Variants in NRK observed in about 807,000 individuals in gnomAD.
The protein encoded by NRK is Nik related kinase.
A neutral mutation model predicts 125.2 loss-of-function variants in NRK; 67 were observed. The observed-to-expected ratio is 0.54, with a 90% CI of 0.44 to 0.66. The LOEUF (loss-of-function observed/expected upper bound fraction) is 0.66. Ranked by LOEUF, NRK falls within the 30% of genes least tolerant of loss-of-function variation. The probability of loss-of-function intolerance (pLI) is 0.00; values close to 1 mark genes in which losing one functional copy is unlikely to be tolerated. For synonymous variants in NRK, 458 were observed against 429.0 expected (o/e 1.07, Z -0.84); for missense variants, 1,224 against 1,192.9 (o/e 1.03, Z -0.38).
chrX:105,853,856 T>C (rs186538366), intron 2 of NRK, among the ~76,000 whole-genome samples: 1 of 112,431 alleles, frequency 8.9e-6, no homozygotes, highest in East Asian at 2.8e-4. Flanking sequence ...GAAATACATG[T>C]AGAACTGGTT....
chrX:105,919,151 A>G (rs1314366781), intron 16 of NRK, among the ~76,000 whole-genome samples: 1 of 110,741 alleles, frequency 9.0e-6, no homozygotes, highest in African/African-American at 3.3e-5. Flanking sequence ...TACTTTGGCT[A>G]TGTATACCAA....
chrX:105,861,658 A>T (rs1338535016), intron 2 of NRK, among the ~76,000 whole-genome samples: 1 of 112,345 alleles, frequency 8.9e-6, no homozygotes, highest in African/African-American at 3.2e-5. Flanking sequence ...ATTCTTGTTA[A>T]AGATTAATTG....
chrX:105,866,166 A>G (rs1043200946), intron 2 of NRK, among the ~76,000 whole-genome samples: 4 of 111,659 alleles, frequency 3.6e-5, no homozygotes, highest in Non-Finnish European at 7.5e-5. Context: ...TTAAAAATCT[A>G]TTAGAATATC....
At chrX:105,948,467 C>T in intron 26 of NRK, 1 of 327,307 alleles carries the variant, frequency 3.1e-6, no homozygotes, top group Non-Finnish European at 5.2e-6. Context: ...TACAAGGGAA[C>T]CATGTGTGCT....
At chrX:105,940,341 C>T (rs1013924580) in intron 23 of NRK, among the ~76,000 whole-genome samples, 2 of 110,201 alleles carry the variant, frequency 1.8e-5, no homozygotes, top group African/African-American at 6.6e-5. Context: ...ACTTTCTTTC[C>T]CAGTCACCCC....
In NRK at chrX:105,953,134, A is replaced by T; in HGVS notation, c.4614A>T (p.Ser1538=). ...RVLESELKRR[S]IKKLRFLCTR... ...TGGAAAGTGAGCTGAAGCGCAGGTC[A>T]ATTAAGAAGCTGAGATTCCTGTGCA... The change falls in exon 28 of 29, where the codon TCA becomes TCT. Residue 1538 remains serine (S), a synonymous_variant. Coordinates refer to ENST00000243300, the MANE Select transcript of NRK (RefSeq NM_198465.4). 8.4e-7 allele frequency: 1 copy of T among 1,196,270 alleles called. No individual in the cohort carries two copies. Among genetic ancestry groups the T allele is most frequent in the Non-Finnish European group, 1.1e-6 (1 of 885,606 alleles).
intron 22 of NRK, among the ~76,000 whole-genome samples, chrX:105,938,135 A>G (rs1271593048): frequency 9.0e-6 from 1 of 111,716 alleles, no homozygotes; most frequent in East Asian, 2.8e-4. Context: ...AAGCAAGTAA[A>G]TGAGTGTTAA....
intron 11 of NRK, chrX:105,907,128 C>T (rs2040231371): frequency 9.1e-6 from 1 of 110,481 alleles, no homozygotes; most frequent in Non-Finnish European, 1.9e-5. Flanking sequence ...TACAAATAAA[C>T]ATAAACTTCT....
At chrX:105,912,836 CT>C in intron 14 of NRK, 81 bp downstream of exon 14, 1 of 428,631 alleles carries the variant, frequency 2.3e-6, no homozygotes, top group Non-Finnish European at 3.9e-6. Context: ...CTCAGTGTCC[CT>C]TTATACTCTT....
At chrX:105,944,830 A>G (rs929996200) in intron 24 of NRK, among the ~76,000 whole-genome samples, 1 of 111,731 alleles carries the variant, frequency 9.0e-6, no homozygotes, top group African/African-American at 3.3e-5. Flanking sequence ...CTCTCTATCT[A>G]TTAATATTGT....
chrX:105,921,049 T>C (rs1470165544), intron 16 of NRK, among the ~76,000 whole-genome samples: 10 of 90,882 alleles, frequency 1.1e-4, no homozygotes, highest in African/African-American at 3.3e-4. Flanking sequence ...TATTGCGGCA[T>C]TATTCACAAT....
At chrX:105,848,903 A>G (rs1449314954) in intron 2 of NRK, among the ~76,000 whole-genome samples, 1 of 111,964 alleles carries the variant, frequency 8.9e-6, no homozygotes, top group African/African-American at 3.2e-5. Flanking sequence ...TTATCTTCAT[A>G]TGCTTTTTAT....
At chrX:105,950,575 TGTGG>T (rs2040881345) in intron 27 of NRK, among the ~76,000 whole-genome samples, 1 of 82,585 alleles carries the variant, frequency 1.2e-5, no homozygotes, top group South Asian at 5.1e-4. Context: ...TGTGTGTGTG[TGTGG>T]AGAGAGAGAG....
rs1193128965 is a variant in NRK at position 105,955,739 on chromosome X, G to A, written c.*139G>A. On this transcript the variant is annotated 3_prime_UTR_variant, in exon 29 of 29. Coordinates refer to ENST00000243300, the MANE Select transcript of NRK (RefSeq NM_198465.4). ...AAAACTTTACTTTTAATGTAGCACA[G>A]AATAGTTTTAATGAGAAATGCAGCT... 11 of 410,466 alleles carry A rather than the reference G, an allele frequency of 2.7e-5. No homozygotes were observed. Among genetic ancestry groups the A allele is most frequent in the East Asian group, 1.6e-4 (4 of 25,594 alleles). The allele number at this position is 410,466 out of a possible 1,213,427, so 33.8% of individuals were successfully genotyped here.
At chrX:105,948,848 A>G in intron 26 of NRK, 1 of 371,902 alleles carries the variant, frequency 2.7e-6, no homozygotes, top group Non-Finnish European at 4.6e-6. Flanking sequence ...GTAGGGAAAT[A>G]CTGTTAATGT....
chrX:105,839,791 G>A (rs1340560604), intron 2 of NRK, among the ~76,000 whole-genome samples: 1 of 111,070 alleles, frequency 9.0e-6, no homozygotes. Context: ...GACCGTGACC[G>A]CTTTATTTGA....
At chrX:105,921,812 G>A (rs542179132) in intron 16 of NRK, among the ~76,000 whole-genome samples, 152 bp from the exon 17 acceptor site, 14 of 102,139 alleles carry the variant, frequency 1.4e-4, no homozygotes, top group African/African-American at 4.6e-4. Context: ...GGCCCCATGA[G>A]AATTTTCAGG....
chrX:105,944,105 A>C, intron 24 of NRK, 64 bp downstream of exon 24: 1 of 583,740 alleles, frequency 1.7e-6, no homozygotes, highest in Non-Finnish European at 2.7e-6. Context: ...TTGTGAACAG[A>C]ATCGTACCTT....
chrX:105,868,104 T>C (rs1054653207), intron 2 of NRK, among the ~76,000 whole-genome samples: 1 of 111,456 alleles, frequency 9.0e-6, no homozygotes, highest in Admixed American at 9.6e-5. Flanking sequence ...ACATATCATA[T>C]AGGTAGTATT....
Sources: allele counts gnomAD v4.1 joint callset (sites outside exome capture counted in the v4.1 genomes callset), GRCh38; gene constraint gnomAD v4.1.1; transcripts MANE v1.5; gene names NCBI Gene and HGNC (gene_info 2026-07-23, HGNC 2026-07-21).